PDE1C: variants seen among roughly 807,000 people sequenced by gnomAD.
PDE1C encodes dual specificity calcium/calmodulin-dependent 3',5'-cyclic nucleotide phosphodiesterase 1C.
Under a neutral mutation model 93.1 loss-of-function variants are expected in PDE1C, and 62 were observed. That is an observed-to-expected ratio of 0.67 (90% CI 0.54 to 0.82). PDE1C has a LOEUF of 0.82. Among genes scored for constraint, PDE1C ranks in the 40% least tolerant of loss-of-function variants. The pLI is 0.00. For missense variants in PDE1C, 742 were observed against 884.6 expected, an observed-to-expected ratio of 0.84 and a Z score of 2.04; for synonymous variants, 325 against 310.1, an observed-to-expected ratio of 1.05 and a Z score of -0.50.
intron 16 of PDE1C, among the ~76,000 whole-genome samples, chr7:31,777,004 G>A (rs185475410): frequency 9.4e-6 from 1 of 106,860 alleles, no homozygotes; most frequent in East Asian, 3.5e-4. Flanking sequence ...GGTGGGGGGA[G>A]GGGGGAGGGA....
intron 1 of PDE1C, among the ~76,000 whole-genome samples, chr7:32,385,205 G>A (rs1784599969): frequency 6.6e-6 from 1 of 152,198 alleles, no homozygotes; most frequent in Non-Finnish European, 1.5e-5. Context: ...ATTCACCTTT[G>A]TACTTGCTGC....
intron 17 of PDE1C, among the ~76,000 whole-genome samples, chr7:31,764,859 C>T (rs1239455236): frequency 6.6e-6 from 1 of 152,156 alleles, no homozygotes; most frequent in Non-Finnish European, 1.5e-5. Context: ...CATTCAGTAA[C>T]CTTCATAAAT....
intron 3 of PDE1C, among the ~76,000 whole-genome samples, chr7:32,158,787 T>C (rs951589883): frequency 3.9e-5 from 6 of 152,348 alleles, no homozygotes; most frequent in African/African-American, 1.4e-4. Context: ...TTCTGCTTAC[T>C]CAAAGATGGA....
chr7:31,731,999 A>G, the PDE1C span, among the ~76,000 whole-genome samples: 2 of 152,230 alleles, frequency 1.3e-5, no homozygotes, highest in African/African-American at 4.8e-5. Flanking sequence ...AGGAGGGTGT[A>G]TCAACCCAGA....
chr7:31,692,166 A>T, the PDE1C span, among the ~76,000 whole-genome samples: 1 of 152,146 alleles, frequency 6.6e-6, no homozygotes. Context: ...AATATTGGAC[A>T]TTTGATACAT....
intron 1 of PDE1C, among the ~76,000 whole-genome samples, chr7:32,306,794 G>C (rs1482414744): frequency 6.6e-6 from 1 of 152,168 alleles, no homozygotes; most frequent in African/African-American, 2.4e-5. Context: ...GTAAGGAGTG[G>C]GAAGCATAAA....
intron 17 of PDE1C, among the ~76,000 whole-genome samples, chr7:31,764,636 T>C (rs1026732720): frequency 1.3e-5 from 2 of 152,224 alleles, no homozygotes; most frequent in African/African-American, 4.8e-5. Context: ...TGCCGAGTCA[T>C]GGTAATTATT....
intron 9 of PDE1C, among the ~76,000 whole-genome samples, chr7:31,844,999 T>C (rs557709842): frequency 3.9e-5 from 6 of 152,236 alleles, no homozygotes; most frequent in African/African-American, 1.4e-4. Flanking sequence ...AACTTTGTTT[T>C]TAATTTATGT....
At chr7:31,924,811 G>A (rs529664719) in intron 2 of PDE1C, among the ~76,000 whole-genome samples, 1 of 152,230 alleles carries the variant, frequency 6.6e-6, no homozygotes, top group South Asian at 2.1e-4. Context: ...AAAAAAAGAT[G>A]GAACTTCAAT....
chr7:32,144,090 AAG>A (rs1182347308), intron 3 of PDE1C, among the ~76,000 whole-genome samples: 1 of 152,136 alleles, frequency 6.6e-6, no homozygotes, highest in African/African-American at 2.4e-5. Context: ...GGCAGTGATA[AAG>A]AGTCTAGTGT....
intron 2 of PDE1C, among the ~76,000 whole-genome samples, chr7:31,926,097 G>A (rs931997072): frequency 8.5e-5 from 13 of 152,076 alleles, no homozygotes; most frequent in East Asian, 3.9e-4. Context: ...ACAATGGATG[G>A]ATAGGATATA....
intron 2 of PDE1C, among the ~76,000 whole-genome samples, chr7:31,933,178 C>A (rs1055030630): frequency 2.6e-5 from 4 of 151,910 alleles, no homozygotes; most frequent in Non-Finnish European, 5.9e-5. Flanking sequence ...TACATGTATA[C>A]CTATGTAACA....
chr7:31,697,258 C>G, the PDE1C span: 1 of 1,020,060 alleles, frequency 9.8e-7, no homozygotes, highest in Non-Finnish European at 1.4e-6. Flanking sequence ...AGAAGCCACA[C>G]TCAGTGCTAC....
rs370708429 is a variant in PDE1C, at chr7:31,940,612, G to A, written c.129-59752C>T. Among the ~76,000 whole-genome samples, 15 of 152,284 alleles carry A rather than the reference G, an allele frequency of 9.9e-5. No homozygotes were observed. The East Asian group carries it at 2.7e-3, about 27-fold the overall frequency. ...CCTCCCAGAACCCATAGGGATGGGT[G>A]CCCTGAGGCATTTAGAAGAGTGATT... is the stretch of plus-strand genomic sequence containing the variant. On this transcript the variant is annotated intron_variant, in intron 2 of 17. Transcript: ENST00000396191.
chr7:31,859,835 T>TAA (rs1794466085), intron 7 of PDE1C, among the ~76,000 whole-genome samples: 1 of 152,208 alleles, frequency 6.6e-6, no homozygotes. Flanking sequence ...TATCTATGTG[T>TAA]ATATACATGT....
intron 16 of PDE1C, among the ~76,000 whole-genome samples, chr7:31,781,587 C>T (rs563188037): frequency 1.3e-5 from 2 of 152,112 alleles, no homozygotes; most frequent in Admixed American, 6.6e-5. Context: ...AACAAATCAT[C>T]GTTTTTGCCC....
intron 10 of PDE1C, among the ~76,000 whole-genome samples, 186 bp downstream of exon 10, chr7:31,837,684 C>G (rs1791291517): frequency 6.6e-6 from 1 of 152,160 alleles, no homozygotes; most frequent in African/African-American, 2.4e-5. Flanking sequence ...TTCTTTCAAC[C>G]CTGATGAGAA....
Position 31,914,479 on chromosome 7 carries a change from A to G in PDE1C, c.129-33619T>C, listed in dbSNP as rs78479758. 6.2e-3 allele frequency among the ~76,000 whole-genome samples: 941 copies of G among 152,354 alleles called. 7 individuals are homozygous for G. The highest frequency in any genetic ancestry group is 0.022 in the African/African-American group (905 of 41,578). ...AATATGAATGCTTACCCCAGCTATA[A>G]TAAGAGGAATCTAGTGAAAGCAAAT... On this transcript the variant is annotated intron_variant, in intron 2 of 17. Transcript: ENST00000396191.
chr7:32,335,051 A>G (rs1783590726), intron 1 of PDE1C, among the ~76,000 whole-genome samples: 1 of 152,178 alleles, frequency 6.6e-6, no homozygotes, highest in Non-Finnish European at 1.5e-5. Context: ...CATTTTGCCC[A>G]TGCATGTGAA....
Sources: allele counts gnomAD v4.1 joint callset (sites outside exome capture counted in the v4.1 genomes callset), GRCh38; gene constraint gnomAD v4.1.1; transcripts MANE v1.5; gene names NCBI Gene and HGNC (gene_info 2026-07-23, HGNC 2026-07-21).